XRCC5: variants seen among roughly 807,000 people sequenced by gnomAD.
The protein encoded by XRCC5 is X-ray repair cross complementing 5.
XRCC5 carries 12 observed loss-of-function variants against 95.7 expected under a neutral mutation model. The observed-to-expected ratio is 0.13, with a 90% CI of 0.08 to 0.20. XRCC5 has a LOEUF of 0.20. XRCC5 is among the 10% of genes least tolerant of loss of function. XRCC5 has a pLI of 1.00. For synonymous variants in XRCC5, 281 were observed against 290.3 expected (o/e 0.97, Z 0.33); for missense variants, 595 against 873.9 (o/e 0.68, Z 4.02).
At chr2:216,120,197 A>C (rs576447313) in intron 5 of XRCC5, among the ~76,000 whole-genome samples, 1 of 152,308 alleles carries the variant, frequency 6.6e-6, no homozygotes, top group African/African-American at 2.4e-5. Flanking sequence ...TTTAAGTGAC[A>C]CTTCTTACTG....
At chr2:216,146,310 G>A (rs1337345845) in intron 13 of XRCC5, among the ~76,000 whole-genome samples, 2 of 150,092 alleles carry the variant, frequency 1.3e-5, no homozygotes, top group Admixed American at 1.3e-4. Context: ...ACAGGACATT[G>A]ACTCTTGGAT....
At chr2:216,134,126 C>G (rs1697034193) in intron 10 of XRCC5, among the ~76,000 whole-genome samples, 1 of 152,186 alleles carries the variant, frequency 6.6e-6, no homozygotes, top group African/African-American at 2.4e-5. Flanking sequence ...CAATAAAAGT[C>G]TTTATCACCA....
At position 216,119,052 on chromosome 2, in the gene XRCC5, G is replaced by A; in HGVS notation, c.378G>A (p.Lys126=). 3 of 1,613,936 alleles carry A rather than the reference G, an allele frequency of 1.9e-6. No individual in the cohort carries two copies. Among genetic ancestry groups the A allele is most frequent in the Non-Finnish European group, 2.5e-6 (3 of 1,179,872 alleles). ...TAACTCTCTCTTTTAGAGGAAAGAA[G>A]TTTGAGAAGAGGCATATTGAAATAT... ...DVIQHETIGK[K]FEKRHIEIFT... The change falls in exon 5 of 21, where the codon AAG becomes AAA. Residue 126 remains lysine, a synonymous_variant. Coordinates refer to ENST00000392132, the MANE Select transcript of XRCC5 (RefSeq NM_021141.4).
At chr2:216,152,228 G>A (rs1057412358) in intron 14 of XRCC5, among the ~76,000 whole-genome samples, 6 of 152,122 alleles carry the variant, frequency 3.9e-5, no homozygotes, top group African/African-American at 1.4e-4. Flanking sequence ...CTTGAGGTCA[G>A]GAGTTCCAGA....
chr2:216,126,357 TATC>T (rs1696900173), intron 7 of XRCC5, among the ~76,000 whole-genome samples: 1 of 152,236 alleles, frequency 6.6e-6, no homozygotes, highest in African/African-American at 2.4e-5. Context: ...GTTATTGTAG[TATC>T]ATAGCAGAAA....
At chr2:216,145,810 C>T (rs1003386624) in intron 13 of XRCC5, among the ~76,000 whole-genome samples, 3 of 152,154 alleles carry the variant, frequency 2.0e-5, no homozygotes, top group Non-Finnish European at 2.9e-5. Flanking sequence ...GGGTAGGATA[C>T]TTGTCCATTG....
intron 8 of XRCC5, among the ~76,000 whole-genome samples, chr2:216,129,846 T>A (rs1021508083): frequency 3.9e-5 from 6 of 152,064 alleles, no homozygotes; most frequent in African/African-American, 1.4e-4. Flanking sequence ...GCTAATTTTT[T>A]TTTGTATTTT....
chr2:216,116,139 T>C (rs989104187), intron 2 of XRCC5, among the ~76,000 whole-genome samples: 1 of 152,228 alleles, frequency 6.6e-6, no homozygotes, highest in Non-Finnish European at 1.5e-5. Flanking sequence ...TTCTCCTGTT[T>C]GATAGTTTGC....
At position 216,192,733 on chromosome 2, in the gene XRCC5, A is replaced by G. The variant is rs1689639310; in HGVS notation, c.2039A>G (p.Gln680Arg). 6.3e-7 allele frequency: 1 copy of G among 1,579,350 alleles called. No individual in the cohort carries two copies. The highest frequency in any genetic ancestry group is 8.6e-7 in the Non-Finnish European group (1 of 1,164,676). ...AATCATTTCTGGGAAATTGTTGTCC[A>G]GGGTAAGTTGTCATTTGCCTTTTTT... ...QLNHFWEIVV[Q>R]DGITLITKEE... The change falls in exon 18 of 21, where the codon CAG becomes CGG. Residue 680 changes from glutamine (Q) to arginine (R), a missense_variant and splice_region_variant. Physicochemically the swap from Gln to Arg is conservative, Grantham distance 43. This residue lies in a region of XRCC5 where 309 missense variants were observed against 382.9 expected (regional missense o/e 0.81). Transcript: ENST00000392132.
intron 6 of XRCC5, among the ~76,000 whole-genome samples, chr2:216,122,833 G>A (rs1696835130): frequency 6.6e-6 from 1 of 151,020 alleles, no homozygotes; most frequent in Non-Finnish European, 1.5e-5. Flanking sequence ...AATGATTTAA[G>A]AAAAGTGAAT....
At chr2:216,181,227 C>T (rs996784783) in intron 16 of XRCC5, among the ~76,000 whole-genome samples, 3 of 152,148 alleles carry the variant, frequency 2.0e-5, no homozygotes, top group Non-Finnish European at 2.9e-5. Flanking sequence ...TATCACTATC[C>T]GAATTCAGGC....
chr2:216,205,122 T>C, intron 20 of XRCC5, 66 bp from the exon 21 acceptor site: 1 of 1,597,686 alleles, frequency 6.3e-7, no homozygotes, highest in Non-Finnish European at 8.6e-7. Flanking sequence ...AAACCCTCTC[T>C]CACCAGAGAA....
At chr2:216,169,446 A>G (rs1277100454) in intron 16 of XRCC5, among the ~76,000 whole-genome samples, 2 of 152,202 alleles carry the variant, frequency 1.3e-5, no homozygotes, top group East Asian at 3.8e-4. Context: ...CTCTTGTCCA[A>G]TCAAAGCTGT....
chr2:216,164,052 T>C (rs1472499134), intron 16 of XRCC5, among the ~76,000 whole-genome samples: 2 of 152,234 alleles, frequency 1.3e-5, no homozygotes, highest in Non-Finnish European at 2.9e-5. Flanking sequence ...CTCTCTTTAA[T>C]GTATTGGAGT....
chr2:216,170,037 C>CAAAAAAAAA (rs71047982), intron 16 of XRCC5, among the ~76,000 whole-genome samples: 16 of 53,652 alleles, frequency 3.0e-4, no homozygotes, highest in Admixed American at 6.9e-4. Context: ...GACTGTGTCT[C>CAAAAAAAAA]AAAAAAAAAA....
At chr2:216,188,491 A>G (rs1339334943) in intron 16 of XRCC5, among the ~76,000 whole-genome samples, 1 of 152,238 alleles carries the variant, frequency 6.6e-6, no homozygotes. Flanking sequence ...AAACATTTAT[A>G]TTATAGCTTC....
intron 19 of XRCC5, among the ~76,000 whole-genome samples, chr2:216,202,314 A>C (rs1689847365): frequency 6.6e-6 from 1 of 152,230 alleles, no homozygotes; most frequent in African/African-American, 2.4e-5. Flanking sequence ...AAAATCATGC[A>C]GGGGTTAATG....
At chr2:216,178,947 A>G (rs1689329752) in intron 16 of XRCC5, among the ~76,000 whole-genome samples, 1 of 152,226 alleles carries the variant, frequency 6.6e-6, no homozygotes, top group Non-Finnish European at 1.5e-5. Context: ...TTGAATGCCT[A>G]CTGTGTGCCA....
intron 1 of XRCC5, among the ~76,000 whole-genome samples, chr2:216,110,145 A>G (rs533843937): frequency 4.1e-4 from 63 of 152,348 alleles, no homozygotes; most frequent in African/African-American, 1.5e-3. Flanking sequence ...TTTGAATCCA[A>G]GCTGTCTGGT....
Sources: gnomAD v4.1 joint callset for allele counts (sites outside exome capture counted in the v4.1 genomes callset) on GRCh38, gnomAD v4.1.1 for gene constraint, gnomAD v4.1.1 regional missense constraint, MANE v1.5 for transcripts, NCBI Gene and HGNC (gene_info 2026-07-23, HGNC 2026-07-21) for gene names.